Variants in ZNF618 observed in about 807,000 individuals in gnomAD.
ZNF618 encodes zinc finger protein 618.
A neutral mutation model predicts 103.0 loss-of-function variants in ZNF618; 34 were observed. The ratio of observed to expected loss-of-function variants is 0.33; its 90% confidence interval spans 0.25 to 0.44. ZNF618 has a LOEUF of 0.44. Among genes scored for constraint, ZNF618 ranks in the 20% least tolerant of loss-of-function variants. The pLI, the probability that ZNF618 is intolerant of heterozygous loss-of-function variation, is 1.00. For synonymous variants in ZNF618, 551 were observed against 542.2 expected, an observed-to-expected ratio of 1.02 and a Z score of -0.23; for missense variants, 1,059 against 1,295.4, an observed-to-expected ratio of 0.82 and a Z score of 2.80.
intron 1 of ZNF618, among the ~76,000 whole-genome samples, chr9:113,900,649 C>G (rs1252005942): frequency 7.7e-4 from 105 of 136,186 alleles, no homozygotes; most frequent in African/African-American, 3.0e-3. Flanking sequence ...AACCCGAGCT[C>G]CCGTCTCCTA....
chr9:113,980,089 C>T (rs1047933542), intron 2 of ZNF618, among the ~76,000 whole-genome samples: 1 of 152,030 alleles, frequency 6.6e-6, no homozygotes, highest in Non-Finnish European at 1.5e-5. Context: ...TATTCATAGT[C>T]GGGAGTGACA....
At chr9:114,035,588 T>TTCC in intron 12 of ZNF618, among the ~76,000 whole-genome samples, 1 of 151,894 alleles carries the variant, frequency 6.6e-6, no homozygotes, top group South Asian at 2.1e-4. Context: ...CCCACCCCTC[T>TTCC]TTCTTTTTCC....
At chr9:113,922,633 C>T (rs138448029) in intron 1 of ZNF618, among the ~76,000 whole-genome samples, 20 of 152,196 alleles carry the variant, frequency 1.3e-4, no homozygotes, top group Non-Finnish European at 2.5e-4. Context: ...TCTGCTTATT[C>T]TGTCTGTTCT....
At chr9:114,020,166 C>A (rs986546182) in intron 10 of ZNF618, among the ~76,000 whole-genome samples, 1 of 152,124 alleles carries the variant, frequency 6.6e-6, no homozygotes, top group Non-Finnish European at 1.5e-5. Flanking sequence ...GTATTTTTCT[C>A]TTCCGTTGGC....
At chr9:114,015,817 A>G (rs936099339) in intron 9 of ZNF618, among the ~76,000 whole-genome samples, 3 of 152,238 alleles carry the variant, frequency 2.0e-5, no homozygotes, top group Admixed American at 6.5e-5. Flanking sequence ...TAGATGCAGT[A>G]GAGATCAATA....
chr9:113,997,389 G>A (rs1192342515), intron 3 of ZNF618, among the ~76,000 whole-genome samples: 2 of 152,140 alleles, frequency 1.3e-5, no homozygotes, highest in African/African-American at 4.8e-5. Flanking sequence ...GATTCACCGC[G>A]CACAGCCCAC....
chr9:113,891,056 A>C (rs1404893387), intron 1 of ZNF618, among the ~76,000 whole-genome samples: 1 of 152,142 alleles, frequency 6.6e-6, no homozygotes, highest in Non-Finnish European at 1.5e-5. Flanking sequence ...TTTAAAACTT[A>C]GTTGATGTTA....
At position 114,049,718 on chromosome 9, in the gene ZNF618, A is replaced by G. The variant is rs1845979219; in HGVS notation, c.2416A>G (p.Met806Val). The change falls in exon 15 of 15, where the codon ATG becomes GTG. Residue 806 changes from methionine to valine, a missense_variant. Transcript: ENST00000374126. ...GGTGCACCCGGCCCACAAGGTGGCC[A>G]TGATCCTGGACCCGCAGCAGAAGCT... Reference protein sequence around the residue: ...FKVHPAHKVAMILDPQQKLRP... With the variant: ...FKVHPAHKVAVILDPQQKLRP... 1 of 1,613,744 alleles carries G rather than the reference A, an allele frequency of 6.2e-7. No homozygotes were observed.
At chr9:113,993,617 A>C (rs1333380833) in intron 3 of ZNF618, among the ~76,000 whole-genome samples, 1 of 152,110 alleles carries the variant, frequency 6.6e-6, no homozygotes, top group African/African-American at 2.4e-5. Flanking sequence ...TTTACTAATG[A>C]GGGAGTCCAG....
intron 1 of ZNF618, among the ~76,000 whole-genome samples, chr9:113,909,238 A>G (rs905045037): frequency 3.3e-5 from 5 of 151,960 alleles, no homozygotes; most frequent in Non-Finnish European, 5.9e-5. Context: ...AGATCGAGGC[A>G]TGTCCCGGCC....
intron 4 of ZNF618, 125 bp from the exon 5 acceptor site, chr9:114,001,871 T>C (rs1233424461): frequency 3.6e-6 from 3 of 837,162 alleles, no homozygotes; most frequent in Non-Finnish European, 6.1e-6. Flanking sequence ...TGCTGCCTCC[T>C]TGCCAGGGAC....
chr9:113,956,625 T>C (rs1183876994), intron 1 of ZNF618, among the ~76,000 whole-genome samples: 1 of 151,926 alleles, frequency 6.6e-6, no homozygotes, highest in Non-Finnish European at 1.5e-5. Flanking sequence ...TACAGTTTGG[T>C]GGGGAGCAAG....
At chr9:114,003,219 C>T (rs1322844826) in intron 6 of ZNF618, among the ~76,000 whole-genome samples, 3 of 152,238 alleles carry the variant, frequency 2.0e-5, no homozygotes, top group African/African-American at 4.8e-5. Context: ...TTGACATCTG[C>T]GACAGCACTG....
Position 114,049,137 on chromosome 9 carries a change from G to A in ZNF618, c.1835G>A (p.Arg612Lys), listed in dbSNP as rs758416691. 2.5e-6 allele frequency: 4 copies of A among 1,613,860 alleles called. No individual in the cohort carries two copies. Among genetic ancestry groups the A allele is most frequent in the South Asian group, 2.2e-5 (2 of 91,078 alleles). The change falls in exon 15 of 15, where the codon AGG becomes AAG. Residue 612 changes from arginine (R) to lysine (K), a missense_variant. By Grantham distance (26) the Arg-to-Lys change is conservative. Transcript: ENST00000374126. ...VLSEFVMSEIRTVYVTDCRVS... is the reference protein window; with the variant it reads ...VLSEFVMSEIKTVYVTDCRVS... ...TCGGAGTTCGTGATGTCGGAGATCAGGACAGTGTACGTGACGGATTGCCGG... is the reference window on the plus strand; with the variant it reads ...TCGGAGTTCGTGATGTCGGAGATCAAGACAGTGTACGTGACGGATTGCCGG...
At chr9:113,910,567 T>A (rs1831444121) in intron 1 of ZNF618, among the ~76,000 whole-genome samples, 1 of 152,226 alleles carries the variant, frequency 6.6e-6, no homozygotes, top group Admixed American at 6.5e-5. Context: ...TATTTTCCTT[T>A]CGCTTGGATC....
chr9:113,900,436 G>T (rs1407214734), intron 1 of ZNF618, among the ~76,000 whole-genome samples: 1 of 152,118 alleles, frequency 6.6e-6, no homozygotes, highest in Non-Finnish European at 1.5e-5. Context: ...ACTACTTTGG[G>T]TGGGCTGTAC....
intron 1 of ZNF618, among the ~76,000 whole-genome samples, chr9:113,894,226 T>C (rs1013742204): frequency 6.6e-6 from 1 of 152,106 alleles, no homozygotes; most frequent in Non-Finnish European, 1.5e-5. Context: ...TTCAAAATCT[T>C]AAACATAGTT....
chr9:113,946,466 A>G (rs553624393), intron 1 of ZNF618, among the ~76,000 whole-genome samples: 2 of 151,888 alleles, frequency 1.3e-5, no homozygotes, highest in South Asian at 4.2e-4. Context: ...TTCCAAGGAA[A>G]TGGGGAGTCC....
intron 1 of ZNF618, among the ~76,000 whole-genome samples, chr9:113,942,109 C>T (rs1414941049): frequency 6.6e-6 from 1 of 152,134 alleles, no homozygotes; most frequent in Non-Finnish European, 1.5e-5. Flanking sequence ...TTCTGTAATT[C>T]CTCGTGGGTA....
Sources: allele counts gnomAD v4.1 joint callset (sites outside exome capture counted in the v4.1 genomes callset), GRCh38; gene constraint gnomAD v4.1.1; transcripts MANE v1.5; gene names NCBI Gene and HGNC (gene_info 2026-07-23, HGNC 2026-07-21).